The following CBFA2T2 variants were observed in gnomAD, a reference collection of about 807,000 sequenced individuals.
The protein encoded by CBFA2T2 is CBFA2/RUNX1 partner transcriptional co-repressor 2.
In CBFA2T2, 11 loss-of-function variants were observed where a neutral mutation model predicts 62.2. That is an observed-to-expected ratio of 0.18 (90% CI 0.11 to 0.29). The LOEUF (loss-of-function observed/expected upper bound fraction) is 0.29. Among genes scored for constraint, CBFA2T2 ranks in the 10% least tolerant of loss-of-function variants. The pLI is 1.00. For missense variants in CBFA2T2, 592 were observed against 774.1 expected, an observed-to-expected ratio of 0.76 and a Z score of 2.79; for synonymous variants, 295 against 287.5, an observed-to-expected ratio of 1.03 and a Z score of -0.27.
chr20:33,630,334 T>C lies in CBFA2T2; in HGVS notation c.1228+420T>C, dbSNP rs529658115. ...TGTTCTGTCTTTAACTCTTTACATA[T>C]ATGTGTGCTAGGTGTTGGTCAGAGT... On this transcript the variant is annotated intron_variant, in intron 8 of 10. Transcript: ENST00000342704. 6.6e-5 allele frequency among the ~76,000 whole-genome samples: 10 copies of C among 152,340 alleles called. No individual in the cohort carries two copies. The East Asian group carries it at 1.9e-3, about 29-fold the overall frequency.
intron 1 of CBFA2T2, among the ~76,000 whole-genome samples, chr20:33,500,569 C>T (rs893262299): frequency 1.3e-5 from 2 of 151,908 alleles, no homozygotes; most frequent in Non-Finnish European, 1.5e-5. Context: ...ATTATTCAGC[C>T]ATGGTGGCGC....
intron 1 of CBFA2T2, among the ~76,000 whole-genome samples, chr20:33,531,137 A>G (rs1192454259): frequency 6.6e-6 from 1 of 152,190 alleles, no homozygotes; most frequent in East Asian, 1.9e-4. Flanking sequence ...GGAGGGACGA[A>G]TTGAGAGCAA....
At chr20:33,630,703 C>T (rs947219056) in intron 8 of CBFA2T2, among the ~76,000 whole-genome samples, 2 of 152,218 alleles carry the variant, frequency 1.3e-5, no homozygotes, top group East Asian at 3.8e-4. Context: ...GAGTGACAGG[C>T]CATCTGTGAT....
chr20:33,644,759 T>TTGGA lies in CBFA2T2; in HGVS notation c.*114_*117dup. On this transcript the variant is annotated 3_prime_UTR_variant, in exon 11 of 11. Transcript: ENST00000342704. ...TGCCGGGTCATCAGCAAGAAATGAATTGGAGGCAGGAAGAGTCCAAGCCTG... is the reference window on the plus strand; with the variant it reads ...TGCCGGGTCATCAGCAAGAAATGAATTGGATGGAGGCAGGAAGAGTCCAAGCCTG... The TTGGA allele has an allele frequency of 8.5e-7, 1 of 1,172,356 alleles. No homozygotes were observed. The highest frequency in any genetic ancestry group is 1.2e-6 in the Non-Finnish European group (1 of 830,504). 72.6% of individuals were successfully genotyped at this position (1,172,356 alleles called of 1,614,324 possible).
At chr20:33,584,408 G>A (rs566169469) in intron 1 of CBFA2T2, among the ~76,000 whole-genome samples, 2 of 151,854 alleles carry the variant, frequency 1.3e-5, no homozygotes, top group Admixed American at 6.6e-5. Context: ...TGGGACTACA[G>A]GCGCCTGGCT....
intron 3 of CBFA2T2, among the ~76,000 whole-genome samples, chr20:33,616,160 TATAG>T (rs2015706716): frequency 1.3e-5 from 2 of 152,168 alleles, no homozygotes; most frequent in East Asian, 1.9e-4. Context: ...TGTAGATAGA[TATAG>T]ATATAGATAC....
At chr20:33,593,814 C>A (rs1343428300) in intron 1 of CBFA2T2, among the ~76,000 whole-genome samples, 1 of 152,170 alleles carries the variant, frequency 6.6e-6, no homozygotes, top group African/African-American at 2.4e-5. Context: ...ATGACCTCTT[C>A]TTGCTACGAT....
chr20:33,597,363 T>G (rs552167239), intron 1 of CBFA2T2, among the ~76,000 whole-genome samples: 1 of 152,342 alleles, frequency 6.6e-6, no homozygotes, highest in South Asian at 2.1e-4. Context: ...TAGGAAAAGT[T>G]ACTCAAATTC....
intron 1 of CBFA2T2, among the ~76,000 whole-genome samples, chr20:33,556,182 A>G (rs892711715): frequency 2.6e-5 from 4 of 152,146 alleles, no homozygotes; most frequent in Non-Finnish European, 4.4e-5. Flanking sequence ...TTCTTATTCT[A>G]AAACAGTTCT....
At chr20:33,522,827 G>A (rs761950543) in intron 1 of CBFA2T2, among the ~76,000 whole-genome samples, 4 of 152,150 alleles carry the variant, frequency 2.6e-5, no homozygotes, top group South Asian at 2.1e-4. Flanking sequence ...TGAGATGCAT[G>A]AAGAGAGCTA....
intron 1 of CBFA2T2, among the ~76,000 whole-genome samples, chr20:33,528,173 G>T (rs544238199): frequency 1.3e-5 from 2 of 152,264 alleles, no homozygotes; most frequent in South Asian, 4.1e-4. Context: ...CCTGGCTCAA[G>T]GGTTTGTTTT....
In CBFA2T2 at chr20:33,646,113, C is replaced by G. The variant is rs552000505; in HGVS notation, c.*1467C>G. The G allele has an allele frequency of 2.6e-5, 4 of 152,348 alleles. No individual in the cohort carries two copies. The highest frequency in any genetic ancestry group is 9.6e-5 in the African/African-American group (4 of 41,552). 9.4% of individuals were successfully genotyped at this position (152,348 alleles called of 1,614,324 possible). ...CTGCCTTCCAGGTTCAAGCAATTCT[C>G]CTGCCTCAGCCTCCCGAGTAGCTGA... On this transcript the variant is annotated 3_prime_UTR_variant, in exon 11 of 11. Transcript: ENST00000342704.
chr20:33,609,869 TTTC>T (rs2015462752), intron 2 of CBFA2T2, among the ~76,000 whole-genome samples: 1 of 152,188 alleles, frequency 6.6e-6, no homozygotes, highest in East Asian at 1.9e-4. Context: ...TCTTAAATTG[TTTC>T]TTATGTTTTT....
intron 10 of CBFA2T2, 104 bp from the exon 11 acceptor site, chr20:33,644,243 G>A: frequency 1.5e-6 from 2 of 1,314,570 alleles, no homozygotes; most frequent in Non-Finnish European, 2.1e-6. Context: ...TAGTTCCAAA[G>A]CTGGGGTTCT....
intron 4 of CBFA2T2, 61 bp from the exon 5 acceptor site, chr20:33,623,054 T>G: frequency 5.2e-6 from 8 of 1,531,478 alleles, no homozygotes; most frequent in Non-Finnish European, 7.2e-6. Context: ...GAAAGCCCTT[T>G]GAGGTGCTGA....
At chr20:33,498,116 A>G (rs764574808) in intron 1 of CBFA2T2, among the ~76,000 whole-genome samples, 13 of 152,100 alleles carry the variant, frequency 8.5e-5, no homozygotes, top group Non-Finnish European at 1.6e-4. Context: ...TTTTTGGTAG[A>G]GACAGGGTTT....
chr20:33,571,479 C>G (rs536808996), intron 1 of CBFA2T2, among the ~76,000 whole-genome samples: 1 of 152,080 alleles, frequency 6.6e-6, no homozygotes, highest in African/African-American at 2.4e-5. Context: ...CCATTTTTTT[C>G]TTTAAGTACA....
chr20:33,535,508 A>G (rs890365493), intron 1 of CBFA2T2, among the ~76,000 whole-genome samples: 7 of 150,888 alleles, frequency 4.6e-5, no homozygotes, highest in South Asian at 2.1e-4. Flanking sequence ...GATTGGTGCT[A>G]AGAACCAGCT....
intron 1 of CBFA2T2, among the ~76,000 whole-genome samples, chr20:33,524,541 A>C (rs1043195005): frequency 2.0e-5 from 3 of 152,176 alleles, no homozygotes; most frequent in African/African-American, 7.2e-5. Flanking sequence ...GCATGCCATG[A>C]ACTTGCAAAC....
Sources: allele counts gnomAD v4.1 joint callset (sites outside exome capture counted in the v4.1 genomes callset), GRCh38; gene constraint gnomAD v4.1.1; transcripts MANE v1.5; gene names NCBI Gene and HGNC (gene_info 2026-07-23, HGNC 2026-07-21).